Variants in ANK1 observed in about 807,000 individuals in gnomAD.
ANK1 encodes the protein ankyrin-1.
ANK1 carries 51 observed loss-of-function variants against 210.4 expected under a neutral mutation model. The observed-to-expected ratio is 0.24, with a 90% CI of 0.19 to 0.31. The LOEUF (loss-of-function observed/expected upper bound fraction) is 0.31, where lower values mean the gene tolerates loss of function less well. Ranked by LOEUF, ANK1 falls within the 10% of genes least tolerant of loss-of-function variation. The probability of loss-of-function intolerance (pLI) is 1.00; values close to 1 mark genes in which losing one functional copy is unlikely to be tolerated. For missense variants in ANK1, 2,051 were observed against 2,504.4 expected (o/e 0.82, Z 3.86); for synonymous variants, 967 against 1,025.9 (o/e 0.94, Z 1.10).
chr8:41,853,386 G>T (rs192366242), intron 1 of ANK1, among the ~76,000 whole-genome samples: 1 of 152,144 alleles, frequency 6.6e-6, no homozygotes, highest in Non-Finnish European at 1.5e-5. Context: ...AAGAAGGAGG[G>T]AAAAATAGCA....
Position 41,694,547 on chromosome 8 carries a change from G to A in ANK1, c.3327+45C>T. On this transcript the variant is annotated intron_variant, in intron 28 of 42. Coordinates refer to ENST00000289734, the MANE Select transcript of ANK1 (RefSeq NM_000037.4). The surrounding 1 kb of genome is among the most constrained non-coding windows in gnomAD (Gnocchi z 5.7). ...AGAGGGTGGCCTTCCCGGAGGCCTG[G>A]AGTTCAGTCCACCCCCAGGACCTGG... 1 of 1,584,074 alleles carries A rather than the reference G, an allele frequency of 6.3e-7. No homozygotes were observed. The highest frequency in any genetic ancestry group is 2.3e-5 in the East Asian group (1 of 44,274).
At chr8:41,721,009 A>T (rs1298551255) in intron 9 of ANK1, among the ~76,000 whole-genome samples, 1 of 152,206 alleles carries the variant, frequency 6.6e-6, no homozygotes, top group Non-Finnish European at 1.5e-5. Flanking sequence ...TCATCAAGGA[A>T]GATGCAAATC....
rs761124338 is a variant in ANK1 at position 41,684,581 on chromosome 8, G to A, written c.4500C>T (p.Thr1500=). 14 of 1,613,654 alleles carry A rather than the reference G, an allele frequency of 8.7e-6. No individual in the cohort carries two copies. Among genetic ancestry groups the A allele is most frequent in the Middle Eastern group, 1.6e-4 (1 of 6,084 alleles). ...AGGGTGACAGCGAGTAGTCGCGGTC[G>A]GTGTGCCGCCTGTCTGGCTTCAAGT... ...SRNLKPDRRH[T]DRDYSLSPSQ... The change falls in exon 37 of 43, where the codon ACC becomes ACT. Residue 1500 remains threonine, a synonymous_variant. Transcript: ENST00000289734.
In ANK1 at chr8:41,704,489, A is replaced by G. The variant is rs1824006510; in HGVS notation, c.2098-17T>C. On this transcript the variant is annotated splice_polypyrimidine_tract_variant and intron_variant, in intron 18 of 42. Transcript: ENST00000289734. The surrounding 1 kb of genome is among the most constrained non-coding windows in gnomAD (Gnocchi z 4.1). Reference sequence around the variant, plus strand: ...GTAGCCCATCTGAAAAGCAGATGAGAAGGAGTGACCGGAGCTGTCCTGAGC... The same window carrying G: ...GTAGCCCATCTGAAAAGCAGATGAGGAGGAGTGACCGGAGCTGTCCTGAGC... 6.2e-7 allele frequency: 1 copy of G among 1,602,790 alleles called. No individual in the cohort carries two copies. The highest frequency in any genetic ancestry group is 1.1e-5 in the South Asian group (1 of 90,862).
intron 2 of ANK1, among the ~76,000 whole-genome samples, chr8:41,756,124 T>TTTTA (rs1409044645): frequency 4.4e-4 from 67 of 152,210 alleles, no homozygotes; most frequent in African/African-American, 1.3e-3. Flanking sequence ...GTATTTTGCA[T>TTTTA]TTTATTTATT....
chr8:41,787,202 G>A (rs185354468), intron 1 of ANK1, among the ~76,000 whole-genome samples: 1 of 152,376 alleles, frequency 6.6e-6, no homozygotes, highest in East Asian at 1.9e-4. Flanking sequence ...GGAAACAGTG[G>A]TGGAGGGGCT....
Position 41,717,661 on chromosome 8 carries a change from G to A in ANK1, c.1248C>T (p.His416=), listed in dbSNP as rs371161988. 12 of 1,551,572 alleles carry A rather than the reference G, an allele frequency of 7.7e-6. No homozygotes were observed. In the African/African-American group the frequency reaches 9.6e-5, roughly 12 times the overall value. Residue 416 remains histidine, a synonymous_variant, in exon 12 of 43, where the codon CAC becomes CAT. Coordinates refer to ENST00000289734, the MANE Select transcript of ANK1 (RefSeq NM_000037.4). ...TPLHVASFMG[H]LPIVKNLLQR... ...GCAGGAGGTTCTTCACGATGGGAAG[G>A]TGCCCCATGAAGGAGGCCACGTGGA... is the stretch of plus-strand genomic sequence containing the variant.
intron 1 of ANK1, among the ~76,000 whole-genome samples, chr8:41,866,452 C>T (rs7818613): frequency 0.39 from 59,232 of 152,078 alleles, 12,010 homozygotes; most frequent in African/African-American, 0.5. Context: ...CCTTGGCCTC[C>T]CAAAGTGCTG....
chr8:41,737,613 TC>T (rs1398362341), intron 2 of ANK1, among the ~76,000 whole-genome samples: 1 of 152,206 alleles, frequency 6.6e-6, no homozygotes, highest in Non-Finnish European at 1.5e-5. Context: ...CCCAGCGATC[TC>T]CTTCTTATGA....
chr8:41,804,471 C>T (rs963226988), intron 1 of ANK1, among the ~76,000 whole-genome samples: 3 of 152,228 alleles, frequency 2.0e-5, no homozygotes, highest in Admixed American at 6.5e-5. Context: ...AAAACCCCCA[C>T]ATGGCCTATC....
chr8:41,661,770 G>A, intron 41 of ANK1, 106 bp downstream of exon 41: 2 of 1,612,210 alleles, frequency 1.2e-6, no homozygotes, highest in Non-Finnish European at 1.7e-6. Context: ...TGATGGCGCT[G>A]GGTCCCCCAG....
rs185448932 is a variant in ANK1, at chr8:41,704,042, G to A, written c.2294C>T (p.Ser765Leu). The A allele has an allele frequency of 2.8e-5, 45 of 1,613,832 alleles. No individual in the cohort carries two copies. Among genetic ancestry groups the A allele is most frequent in the African/African-American group, 1.9e-4 (14 of 75,004 alleles). Residue 765 changes from serine (S) to leucine (L), a missense_variant and splice_region_variant, in exon 20 of 43, where the codon TCG becomes TTG. By Grantham distance (145) the Ser-to-Leu change is moderately radical (BLOSUM62 -2). Coordinates refer to ENST00000289734, the MANE Select transcript of ANK1 (RefSeq NM_000037.4). This position sits in a 1 kb window ranked among gnomAD's most constrained non-coding sequence, Gnocchi z 4.1. ...ACTCAGGAGAGAGAGTGTACTCACC[G>A]AGCTGACCTCGTTTGGGGAAGCACC... ...KNGASPNEVS[S>L]DGTTPLAIAK...
upstream of ANK1, among the ~76,000 whole-genome samples, chr8:41,798,552 G>C (rs1333732966): frequency 6.6e-6 from 1 of 152,192 alleles, no homozygotes; most frequent in African/African-American, 2.4e-5. Context: ...ACGTCCGCCC[G>C]TCCAACAACG....
intron 1 of ANK1, among the ~76,000 whole-genome samples, chr8:41,849,693 G>T (rs1413745953): frequency 1.3e-5 from 2 of 152,218 alleles, no homozygotes; most frequent in Non-Finnish European, 2.9e-5. Flanking sequence ...CATCACTTCA[G>T]TGTTTTCATT....
intron 2 of ANK1, among the ~76,000 whole-genome samples, chr8:41,735,569 C>T (rs912414883): frequency 6.6e-6 from 1 of 152,158 alleles, no homozygotes; most frequent in Non-Finnish European, 1.5e-5. Context: ...GGGTCCCTGA[C>T]TCACGTCCCC....
At chr8:41,808,448 T>C (rs1178439694) in intron 1 of ANK1, among the ~76,000 whole-genome samples, 2 of 152,100 alleles carry the variant, frequency 1.3e-5, no homozygotes, top group African/African-American at 4.8e-5. Flanking sequence ...GTGGATCACT[T>C]GAGGTCAGGA....
chr8:41,859,006 A>G (rs1258638044), intron 1 of ANK1, among the ~76,000 whole-genome samples: 4 of 152,132 alleles, frequency 2.6e-5, no homozygotes, highest in Non-Finnish European at 5.9e-5. Context: ...TCCCAGGACT[A>G]TTAGTTGCTG....
chr8:41,675,796 G>A (rs773089404), intron 37 of ANK1, among the ~76,000 whole-genome samples: 2 of 152,062 alleles, frequency 1.3e-5, no homozygotes, highest in Non-Finnish European at 2.9e-5. Context: ...AGGTGACCCC[G>A]ATCTGCTTTT....
chr8:41,723,491 G>A (rs772727199), intron 8 of ANK1, 44 bp downstream of exon 8: 5 of 1,602,282 alleles, frequency 3.1e-6, no homozygotes, highest in Non-Finnish European at 4.3e-6. Flanking sequence ...TGTGAGGGGG[G>A]ACCTCCCTCC....
Sources: gnomAD v4.1 joint callset for allele counts (sites outside exome capture counted in the v4.1 genomes callset) on GRCh38, gnomAD v4.1.1 for gene constraint, Gnocchi (gnomAD v3.1) non-coding constraint, MANE v1.5 for transcripts, NCBI Gene and HGNC (gene_info 2026-07-23, HGNC 2026-07-21) for gene names.